Variants in FAM186A observed in about 807,000 individuals in gnomAD.
FAM186A encodes family with sequence similarity 186 member A, also known as protein FAM186A.
FAM186A carries 163 observed loss-of-function variants against 216.8 expected under a neutral mutation model. The ratio of observed to expected loss-of-function variants is 0.75; its 90% CI spans 0.66 to 0.86. The LOEUF (loss-of-function observed/expected upper bound fraction) is 0.86. Among genes scored for constraint, FAM186A ranks in the 40% least tolerant of loss-of-function variants. The probability of loss-of-function intolerance (pLI) is 0.00; values close to 1 mark genes in which losing one functional copy is unlikely to be tolerated. For synonymous variants in FAM186A, 805 were observed against 1,025.3 expected, an observed-to-expected ratio of 0.79 and a Z score of 4.10; for missense variants, 2,184 against 2,746.2, an observed-to-expected ratio of 0.80 and a Z score of 4.58.
At chr12:50,395,577 T>G (rs568269480) in intron 1 of FAM186A, among the ~76,000 whole-genome samples, 1 of 152,270 alleles carries the variant, frequency 6.6e-6, no homozygotes, top group South Asian at 2.1e-4. Flanking sequence ...CCCAAAGTGT[T>G]GGGATTACAG....
intron 1 of FAM186A, among the ~76,000 whole-genome samples, chr12:50,372,443 A>C (rs1164113350): frequency 6.6e-6 from 1 of 151,778 alleles, no homozygotes; most frequent in Non-Finnish European, 1.5e-5. Context: ...AAATACAAAA[A>C]ATTAGCCGGG....
intron 1 of FAM186A, among the ~76,000 whole-genome samples, chr12:50,373,371 T>C (rs536675696): frequency 6.6e-6 from 1 of 152,276 alleles, no homozygotes; most frequent in South Asian, 2.1e-4. Context: ...CACTCCAGCC[T>C]GGATGACAGA....
chr12:50,351,998 C>G lies in FAM186A; in HGVS notation c.4834G>C (p.Gly1612Arg), dbSNP rs1942889913. 6.5e-7 allele frequency: 1 copy of G among 1,527,474 alleles called. No individual in the cohort carries two copies. The highest frequency in any genetic ancestry group is 1.2e-5 in the South Asian group (1 of 82,658). The allele number at this position is 1,527,474 out of a possible 1,614,324, so 94.6% of individuals were successfully genotyped here. Residue 1612 changes from glycine to arginine, a missense_variant, in exon 4 of 8, where the codon GGG becomes CGG. Physicochemically the swap from Gly to Arg is moderately radical, Grantham distance 125. Around this residue, in one of 7 missense-constraint regions of FAM186A, gnomAD observed 16 missense variants for 91.3 expected, o/e 0.18. Coordinates refer to ENST00000327337, the MANE Select transcript of FAM186A (RefSeq NM_001145475.3). ...GCCTGCTGAGGGGTGAGAGGGATCCCCTGAGCCTGCGCCTGCTGAGGGGTG... is the reference window on the plus strand; with the variant it reads ...GCCTGCTGAGGGGTGAGAGGGATCCGCTGAGCCTGCGCCTGCTGAGGGGTG... ...PLTPQQAQAQ[G>R]IPLTPQQAQA...
At chr12:50,380,584 T>A (rs1244545201) in intron 1 of FAM186A, among the ~76,000 whole-genome samples, 1 of 149,394 alleles carries the variant, frequency 6.7e-6, no homozygotes, top group African/African-American at 2.5e-5. Context: ...TAATCCCAGC[T>A]ACTCAGGAGG....
intron 5 of FAM186A, among the ~76,000 whole-genome samples, chr12:50,333,034 A>G (rs974329588): frequency 6.6e-6 from 1 of 152,050 alleles, no homozygotes; most frequent in Non-Finnish European, 1.5e-5. Context: ...TCTCAAAAAT[A>G]AATAAATAAA....
chr12:50,376,191 G>T (rs929522319), intron 1 of FAM186A, among the ~76,000 whole-genome samples: 2 of 152,180 alleles, frequency 1.3e-5, no homozygotes. Context: ...TCACTCACAC[G>T]GTCCGGGGGC....
chr12:50,359,940 T>G (rs1943016125), intron 3 of FAM186A, among the ~76,000 whole-genome samples: 1 of 152,066 alleles, frequency 6.6e-6, no homozygotes, highest in Non-Finnish European at 1.5e-5. Context: ...ATAATGGAAA[T>G]GTTCTAAAAT....
chr12:50,396,544 T>A lies in FAM186A; in HGVS notation c.-60A>T. 2.7e-6 allele frequency: 4 copies of A among 1,461,594 alleles called. No homozygotes were observed. The South Asian group carries it at 5.5e-5, about 20-fold the overall frequency. The allele number at this position is 1,461,594 out of a possible 1,614,324, so 90.5% of individuals were successfully genotyped here. ...TTTTTCACAGAATCTACAAAAATGC[T>A]AATAAAGATATCCAGTAGGAAGCTA... On this transcript the variant is annotated 5_prime_UTR_variant, in exon 1 of 8. Coordinates refer to ENST00000327337, the MANE Select transcript of FAM186A (RefSeq NM_001145475.3).
At chr12:50,374,521 A>G (rs1943179222) in intron 1 of FAM186A, among the ~76,000 whole-genome samples, 1 of 152,212 alleles carries the variant, frequency 6.6e-6, no homozygotes, top group South Asian at 2.1e-4. Flanking sequence ...GTAACTCACT[A>G]TGTCAACGGA....
At position 50,351,927 on chromosome 12, in the gene FAM186A, C is replaced by T; in HGVS notation, c.4905G>A (p.Gln1635=). Residue 1635 remains glutamine, a synonymous_variant, in exon 4 of 8, where the codon CAG becomes CAA. Transcript: ENST00000327337. ...ISLTPQQAQA[Q]GITLTPQQAQ... is the part of the protein sequence containing the mutation. ...CCTGCTGAGGGGTGAGAGTGATCCC[C>T]TGAGCCTGCGCCTGCTGAGGGGTGA... 6.5e-7 allele frequency: 1 copy of T among 1,535,066 alleles called. No homozygotes were observed. The highest frequency in any genetic ancestry group is 1.2e-5 in the South Asian group (1 of 82,572).
intron 3 of FAM186A, among the ~76,000 whole-genome samples, chr12:50,357,729 G>C (rs1430164856): frequency 6.6e-6 from 1 of 152,128 alleles, no homozygotes; most frequent in Admixed American, 6.5e-5. Context: ...TGCAAACTTG[G>C]AGTCGCGTCC....
chr12:50,338,683 T>C (rs1369114848), intron 4 of FAM186A, among the ~76,000 whole-genome samples: 1 of 152,064 alleles, frequency 6.6e-6, no homozygotes, highest in Non-Finnish European at 1.5e-5. Flanking sequence ...CAGTGTAGTA[T>C]AATAGGTAGT....
intron 1 of FAM186A, 80 bp from the exon 2 acceptor site, chr12:50,363,444 T>A: frequency 8.4e-7 from 1 of 1,186,066 alleles, no homozygotes. Context: ...AGAACGTCAG[T>A]GACAGTTAAT....
chr12:50,353,049 C>T lies in FAM186A; in HGVS notation c.3783G>A (p.Gln1261=), dbSNP rs1247736591. Residue 1261 remains glutamine (Q), a synonymous_variant, in exon 4 of 8, where the codon CAG becomes CAA. Transcript: ENST00000327337. ...GAGGAGTAAGAGGGATCCCCAGTTC[C>T]TGAACCTGCTTAGGGGTGAGAGTGA... ...LGITLTPKQV[Q]ELGIPLTPQQ... The T allele has an allele frequency of 3.3e-6, 5 of 1,536,852 alleles. No individual in the cohort carries two copies. Among genetic ancestry groups the T allele is most frequent in the Non-Finnish European group, 4.4e-6 (5 of 1,139,230 alleles).
rs368251353 is a variant in FAM186A, at chr12:50,327,350, G to T, written c.*33C>A. On this transcript the variant is annotated 3_prime_UTR_variant, in exon 8 of 8. Coordinates refer to ENST00000327337, the MANE Select transcript of FAM186A (RefSeq NM_001145475.3). ...GCATTTTACTGAAAGATACTGAAAT[G>T]TACTTTCAACATGCTTGTATTTAAT... 1.3e-4 allele frequency: 194 copies of T among 1,518,538 alleles called. 1 individual carries two copies. The African/African-American group carries it at 2.4e-3, about 19-fold the overall frequency. 94.1% of individuals were successfully genotyped at this position (1,518,538 alleles called of 1,614,324 possible).
chr12:50,329,050 G>T (rs1233667592), intron 7 of FAM186A, among the ~76,000 whole-genome samples: 1 of 152,128 alleles, frequency 6.6e-6, no homozygotes, highest in Non-Finnish European at 1.5e-5. Flanking sequence ...AACCCAGGAG[G>T]CAGAGGTTGC....
Position 50,354,553 on chromosome 12 carries a change from G to T in FAM186A, c.2279C>A (p.Pro760Gln), listed in dbSNP as rs375985408. ...TGGTGACTTCTGAAAATGCAATCCTGGCATAAATGAGACTACCTTTTTTTG... is the reference window on the plus strand; with the variant it reads ...TGGTGACTTCTGAAAATGCAATCCTTGCATAAATGAGACTACCTTTTTTTG... ...IKQKKVVSFMPGLHFQKSPIS... is the reference protein window; with the variant it reads ...IKQKKVVSFMQGLHFQKSPIS... Residue 760 changes from proline to glutamine, a missense_variant, in exon 4 of 8, where the codon CCA becomes CAA. Around this residue, in one of 7 missense-constraint regions of FAM186A, gnomAD observed 1,132 missense variants for 1,263.4 expected, o/e 0.90. Transcript: ENST00000327337. 1.9e-6 allele frequency: 3 copies of T among 1,551,402 alleles called. No homozygotes were observed. The African/African-American group carries it at 4.1e-5, about 21-fold the overall frequency.
rs763865314 is a variant in FAM186A at position 50,396,522 on chromosome 12, T to C, written c.-38A>G. 3.3e-5 allele frequency: 50 copies of C among 1,516,186 alleles called. No homozygotes were observed. The highest frequency in any genetic ancestry group is 2.2e-4 in the Middle Eastern group (1 of 4,470). The allele number at this position is 1,516,186 out of a possible 1,614,324, so 93.9% of individuals were successfully genotyped here. ...GGTGATTTCGTTTTATTTCTTCTTT[T>C]TCACAGAATCTACAAAAATGCTAAT... On this transcript the variant is annotated 5_prime_UTR_variant, in exon 1 of 8. Transcript: ENST00000327337.
At position 50,354,589 on chromosome 12, in the gene FAM186A, T is replaced by G; in HGVS notation, c.2243A>C (p.Lys748Thr). 1 of 1,550,258 alleles carries G rather than the reference T, an allele frequency of 6.5e-7. No homozygotes were observed. The highest frequency in any genetic ancestry group is 8.7e-7 in the Non-Finnish European group (1 of 1,146,702). ...GACTACCTTTTTTTGTTTTATAGGT[T>G]TCTCTCCAACTTGTTCTTCCTTTTT... ...DTKKEEQVGE[K>T]PIKQKKVVSF... Residue 748 changes from lysine (K) to threonine (T), a missense_variant, in exon 4 of 8, where the codon AAA becomes ACA. Physicochemically the swap from Lys to Thr is moderately conservative, Grantham distance 78 (BLOSUM62 -1). Transcript: ENST00000327337.
Sources: gnomAD v4.1 joint callset for allele counts (sites outside exome capture counted in the v4.1 genomes callset) on GRCh38, gnomAD v4.1.1 for gene constraint, gnomAD v4.1.1 regional missense constraint, MANE v1.5 for transcripts, NCBI Gene and HGNC (gene_info 2026-07-23, HGNC 2026-07-21) for gene names.